Variants in ZNF850 observed in about 807,000 individuals in gnomAD.
ZNF850 encodes putative zinc finger protein ENSP00000330994.
Under a neutral mutation model 11.9 loss-of-function variants are expected in ZNF850, and 2 were observed. The ratio of observed to expected loss-of-function variants is 0.17; its 90% CI spans 0.07 to 0.53. The LOEUF is 0.53. ZNF850 is among the 20% of genes least tolerant of loss of function. ZNF850 has a pLI of 0.94. For missense variants in ZNF850, 1,014 were observed against 1,316.4 expected (o/e 0.77, Z 3.55); for synonymous variants, 381 against 443.0 (o/e 0.86, Z 1.76).
intron 1 of ZNF850, among the ~76,000 whole-genome samples, chr19:36,769,692 C>T (rs974057783): frequency 6.6e-6 from 1 of 152,172 alleles, no homozygotes; most frequent in Non-Finnish European, 1.5e-5. Flanking sequence ...TTGGAAAAAA[C>T]TCAAACTATG....
intron 1 of ZNF850, among the ~76,000 whole-genome samples, chr19:36,767,575 A>G (rs2040556383): frequency 6.6e-6 from 1 of 151,702 alleles, no homozygotes; most frequent in Admixed American, 6.6e-5. Flanking sequence ...AAAGAATACA[A>G]AAAATTAGCA....
At chr19:36,764,713 T>C (rs1167062588) in intron 1 of ZNF850, among the ~76,000 whole-genome samples, 2 of 151,320 alleles carry the variant, frequency 1.3e-5, no homozygotes, top group Non-Finnish European at 2.9e-5. Context: ...GATTTTCTTT[T>C]CTTTCCTTTC....
rs1489695019 is a variant in ZNF850 at position 36,749,767 on chromosome 19, C to A, written c.1273G>T (p.Glu425Ter). 2 of 1,555,854 alleles carry A rather than the reference C, an allele frequency of 1.3e-6. No homozygotes were observed. The highest frequency in any genetic ancestry group is 1.7e-6 in the Non-Finnish European group (2 of 1,153,468). Reference protein sequence around the residue: ...HTGEKPYDCKECGKSFTAGST... With the variant: ...HTGEKPYDCK ...CCAGCAGTAAAAGATTTTCCACATT[C>A]TTTACAATCATAGGGTTTCTCACCA... The change falls in exon 5 of 5, where the codon GAA becomes TAA. Residue 425 changes from glutamate to a stop codon, truncating the protein, a stop_gained. Transcript: ENST00000591344. LOFTEE classifies it low-confidence loss of function (END_TRUNC).
chr19:36,753,786 G>A (rs748517883), intron 4 of ZNF850, among the ~76,000 whole-genome samples: 10 of 152,146 alleles, frequency 6.6e-5, no homozygotes, highest in South Asian at 2.1e-4. Context: ...GAGGACCAGA[G>A]AGGTTAAGTA....
chr19:36,763,893 C>T (rs1214028695), intron 1 of ZNF850, among the ~76,000 whole-genome samples: 1 of 147,300 alleles, frequency 6.8e-6, no homozygotes, highest in Admixed American at 6.8e-5. Context: ...AGCTGTGATC[C>T]TGCCACTGCA....
At chr19:36,758,040 G>T (rs972945661) in intron 4 of ZNF850, among the ~76,000 whole-genome samples, 1 of 152,102 alleles carries the variant, frequency 6.6e-6, no homozygotes, top group Non-Finnish European at 1.5e-5. Context: ...AATCTAATTA[G>T]CCCCATGTAG....
intron 1 of ZNF850, among the ~76,000 whole-genome samples, chr19:36,764,889 G>A (rs2040540589): frequency 6.6e-6 from 1 of 151,856 alleles, no homozygotes; most frequent in Non-Finnish European, 1.5e-5. Context: ...GTTTCACTGT[G>A]TTGCTGAGGC....
At position 36,747,795 on chromosome 19, in the gene ZNF850, C is replaced by T. The variant is rs778949260; in HGVS notation, c.3245G>A (p.Arg1082Gln). 3.4e-5 allele frequency: 52 copies of T among 1,537,174 alleles called. No individual in the cohort carries two copies. The highest frequency in any genetic ancestry group is 7.2e-5 in the East Asian group (3 of 41,588). The change falls in exon 5 of 5, where the codon CGA becomes CAA. Residue 1082 changes from arginine (R) to glutamine (Q), a missense_variant. Physicochemically the swap from Arg to Gln is conservative, Grantham distance 43. This residue lies in a region of ZNF850 where 179 missense variants were observed against 294.4 expected (regional missense o/e 0.61). Transcript: ENST00000591344. Reference protein sequence around the residue: ...KAFKQLTQLTRHQRIHDLT With the variant: ...KAFKQLTQLTQHQRIHDLT The stretch of plus-strand genomic sequence containing the variant: ...TGTTAGGTCATGAATTCTCTGATGT[C>T]GAGTAAGCTGTGTAAGCTGTTTAAA...
intron 4 of ZNF850, among the ~76,000 whole-genome samples, chr19:36,758,952 A>G (rs1035855928): frequency 2.0e-5 from 3 of 151,906 alleles, no homozygotes; most frequent in Non-Finnish European, 4.4e-5. Flanking sequence ...GTGTGGTGGC[A>G]CATGCCTGTA....
rs1451622171 is a variant in ZNF850, at chr19:36,749,054, T to C, written c.1986A>G (p.Gln662=). The part of the protein sequence containing the change: ...KAFVSVSGLT[Q]HHRIHTGEKP... ...TCTCACCAGTGTGAATTCTGTGATGTTGGGTGAGTCCTGAGACACTGACAA... is the reference window on the plus strand; with the variant it reads ...TCTCACCAGTGTGAATTCTGTGATGCTGGGTGAGTCCTGAGACACTGACAA... Residue 662 remains glutamine, a synonymous_variant, in exon 5 of 5, where the codon CAA becomes CAG. Transcript: ENST00000591344. 7.5e-6 allele frequency: 12 copies of C among 1,607,446 alleles called. No homozygotes were observed. The highest frequency in any genetic ancestry group is 1.0e-5 in the Non-Finnish European group (12 of 1,177,942).
rs1317581808 is a variant in ZNF850, at chr19:36,749,084, T to C, written c.1956A>G (p.Lys652=). 1.4e-5 allele frequency: 22 copies of C among 1,604,160 alleles called. No homozygotes were observed. The highest frequency in any genetic ancestry group is 1.8e-5 in the Non-Finnish European group (21 of 1,176,608). Residue 652 remains lysine, a synonymous_variant, in exon 5 of 5, where the codon AAA becomes AAG. Transcript: ENST00000591344. ...EKPYQCQECG[K]AFVSVSGLTQ... The stretch of plus-strand genomic sequence containing the variant: ...TGAGTCCTGAGACACTGACAAAGGC[T>C]TTCCCACATTCCTGACATTGATAAG...
rs947122810 is a variant in ZNF850, at chr19:36,744,834, A to G, written c.*2933T>C. ...ACTACAAATTGAGACAAAAGAATCA[A>G]TTGAGCCGGGCGGGGTGGCTCACGC... On this transcript the variant is annotated 3_prime_UTR_variant, in exon 5 of 5. Transcript: ENST00000591344. 7.9e-5 allele frequency: 12 copies of G among 152,090 alleles called. No homozygotes were observed. Among genetic ancestry groups the G allele is most frequent in the African/African-American group, 1.9e-4 (8 of 41,432 alleles). 9.4% of individuals were successfully genotyped at this position (152,090 alleles called of 1,614,324 possible).
At chr19:36,765,784 A>G (rs1403703847) in intron 1 of ZNF850, among the ~76,000 whole-genome samples, 1 of 151,820 alleles carries the variant, frequency 6.6e-6, no homozygotes, top group African/African-American at 2.4e-5. Flanking sequence ...GGGTTTCTCC[A>G]TGTTGGTCAG....
At chr19:36,766,451 C>T (rs1362661289) in intron 1 of ZNF850, among the ~76,000 whole-genome samples, 1 of 152,162 alleles carries the variant, frequency 6.6e-6, no homozygotes, top group Admixed American at 6.6e-5. Flanking sequence ...CCGCAGTACA[C>T]ATATAATTTT....
chr19:36,752,129 G>A (rs1434766871), intron 4 of ZNF850, among the ~76,000 whole-genome samples: 4 of 88,126 alleles, frequency 4.5e-5, no homozygotes, highest in Non-Finnish European at 1.0e-4. Context: ...GGCAGTATAA[G>A]AGTGCAATCA....
At position 36,745,224 on chromosome 19, in the gene ZNF850, G is replaced by A. The variant is rs572226709; in HGVS notation, c.*2543C>T. The A allele has an allele frequency of 6.6e-6, 1 of 152,060 alleles. No individual in the cohort carries two copies. Among genetic ancestry groups the A allele is most frequent in the African/African-American group, 2.4e-5 (1 of 41,472 alleles). The allele number at this position is 152,060 out of a possible 1,614,324, so 9.4% of individuals were successfully genotyped here. A position where few individuals can be genotyped will look rare whatever the true frequency, so the allele number is the denominator to read the frequency against. ...ATATAAATCATCCATAAGCATATTA[G>A]TAAAAGTACAAATCAACAGATATGT... On this transcript the variant is annotated 3_prime_UTR_variant, in exon 5 of 5. Coordinates refer to ENST00000591344, the MANE Select transcript of ZNF850 (RefSeq NM_001193552.2).
At chr19:36,761,785 C>T in intron 3 of ZNF850, 47 bp from the exon 4 acceptor site, 1 of 1,182,892 alleles carries the variant, frequency 8.5e-7, no homozygotes, top group Non-Finnish European at 1.2e-6. Context: ...GTGGCTCACT[C>T]CTATAATCCC....
In ZNF850 at chr19:36,747,382, T is replaced by C. The variant is rs184712886; in HGVS notation, c.*385A>G. The C allele has an allele frequency of 8.6e-4, 142 of 166,004 alleles. No individual in the cohort carries two copies. The highest frequency in any genetic ancestry group is 3.1e-3 in the African/African-American group (130 of 41,854). 10.3% of individuals were successfully genotyped at this position (166,004 alleles called of 1,614,324 possible). On this transcript the variant is annotated 3_prime_UTR_variant, in exon 5 of 5. Coordinates refer to ENST00000591344, the MANE Select transcript of ZNF850 (RefSeq NM_001193552.2). ...ATTCATTATCAATTTCTTTCAGTAT[T>C]AAATGTCCTAATTTTGGTGGGTGGA...
In ZNF850 at chr19:36,749,315, T is replaced by A. The variant is rs1274546291; in HGVS notation, c.1725A>T (p.Ala575=). Residue 575 remains alanine, a synonymous_variant, in exon 5 of 5, where the codon GCA becomes GCT. Coordinates refer to ENST00000591344, the MANE Select transcript of ZNF850 (RefSeq NM_001193552.2). The part of the protein sequence containing the change: ...ECGKSFTSRS[A]LIQHQRIHTG... Reference sequence around the variant, plus strand: ...TGTGAATTCGCTGATGTTGAATTAGTGCTGAGCGAGAAGTAAAAGATTTTC... The same window carrying A: ...TGTGAATTCGCTGATGTTGAATTAGAGCTGAGCGAGAAGTAAAAGATTTTC... 6.4e-6 allele frequency: 10 copies of A among 1,560,376 alleles called. No individual in the cohort carries two copies. The highest frequency in any genetic ancestry group is 7.8e-6 in the Non-Finnish European group (9 of 1,157,092).
Sources: allele counts gnomAD v4.1 joint callset (sites outside exome capture counted in the v4.1 genomes callset), GRCh38; gene constraint gnomAD v4.1.1; regional missense constraint gnomAD v4.1.1; transcripts MANE v1.5; gene names NCBI Gene and HGNC (gene_info 2026-07-23, HGNC 2026-07-21).